The following CREB1 variants were observed in gnomAD, a reference collection of about 807,000 sequenced individuals.
The protein encoded by CREB1 is cAMP responsive element binding protein 1.
Under a neutral mutation model 42.0 loss-of-function variants are expected in CREB1, and 2 were observed. That is an observed-to-expected ratio of 0.05 (90% CI 0.02 to 0.15). The LOEUF is 0.15. Among genes scored for constraint, CREB1 ranks in the 10% least tolerant of loss-of-function variants. CREB1 has a pLI of 1.00. For synonymous variants in CREB1, 123 were observed against 139.9 expected, an observed-to-expected ratio of 0.88 and a Z score of 0.85; for missense variants, 199 against 388.9, an observed-to-expected ratio of 0.51 and a Z score of 4.11.
At chr2:207,587,758 T>A (rs1243610065) in intron 7 of CREB1, among the ~76,000 whole-genome samples, 1 of 152,010 alleles carries the variant, frequency 6.6e-6, no homozygotes, top group Non-Finnish European at 1.5e-5. Flanking sequence ...CTTATGGAAG[T>A]AGAGAGTAAA....
intron 5 of CREB1, chr2:207,571,905 C>T (rs7582473): frequency 4.6e-4 from 143 of 311,030 alleles, no homozygotes; most frequent in African/African-American, 3.0e-3. Flanking sequence ...TTGGTACACT[C>T]GTCTCCTCCA....
intron 3 of CREB1, among the ~76,000 whole-genome samples, chr2:207,560,808 G>T (rs528536210): frequency 6.6e-6 from 1 of 152,150 alleles, no homozygotes; most frequent in Non-Finnish European, 1.5e-5. Flanking sequence ...TAAAGCATTT[G>T]TAAAATCAGC....
chr2:207,571,810 A>T (rs2082376621), intron 5 of CREB1: 1 of 441,634 alleles, frequency 2.3e-6, no homozygotes, highest in Non-Finnish European at 4.6e-6. Flanking sequence ...ACTAGGAAGC[A>T]TGCTCTTTAG....
At chr2:207,548,923 T>TA (rs2081397606) in intron 1 of CREB1, among the ~76,000 whole-genome samples, 1 of 152,232 alleles carries the variant, frequency 6.6e-6, no homozygotes, top group South Asian at 2.1e-4. Context: ...ATTTAAATCT[T>TA]ATCAAATTCA....
chr2:207,550,707 A>G (rs1277029634), intron 1 of CREB1: 9 of 152,328 alleles, frequency 5.9e-5, no homozygotes, highest in East Asian at 5.8e-4. Flanking sequence ...TTAACTTGCT[A>G]TAGGTAGTCA....
At position 207,604,996 on chromosome 2, in the gene CREB1, TCTA is replaced by T. The variant is rs753459741; in HGVS notation, c.*7941_*7943del. 6.6e-6 allele frequency among the ~76,000 whole-genome samples: 1 copy of T among 152,234 alleles called. No individual in the cohort carries two copies. Among genetic ancestry groups the T allele is most frequent in the Non-Finnish European group, 1.5e-5 (1 of 68,040 alleles). On this transcript the variant is annotated 3_prime_UTR_variant, in exon 8 of 8. Transcript: ENST00000353267. ...TATCGATTCATCCAGTTGAGTTGTT[TCTA>T]CTGTTTGGCTAATGTTCATAGTGCT...
chr2:207,540,636 A>G (rs951000352), intron 1 of CREB1, among the ~76,000 whole-genome samples: 1 of 149,552 alleles, frequency 6.7e-6, no homozygotes, highest in Non-Finnish European at 1.5e-5. Context: ...CCCTGTGTCA[A>G]AAAAATAAAG....
At chr2:207,589,803 C>T (rs2084612059) in intron 7 of CREB1, among the ~76,000 whole-genome samples, 1 of 152,108 alleles carries the variant, frequency 6.6e-6, no homozygotes, top group Admixed American at 6.5e-5. Flanking sequence ...TGGGATGAAC[C>T]CCCAATTGGT....
At chr2:207,596,498 A>G (rs1005867350) in intron 7 of CREB1, among the ~76,000 whole-genome samples, 1 of 152,216 alleles carries the variant, frequency 6.6e-6, no homozygotes, top group Non-Finnish European at 1.5e-5. Context: ...CAGTGGCGCA[A>G]TCTCAGCTTA....
At chr2:207,541,554 C>T (rs934913760) in intron 1 of CREB1, among the ~76,000 whole-genome samples, 1 of 152,058 alleles carries the variant, frequency 6.6e-6, no homozygotes, top group African/African-American at 2.4e-5. Flanking sequence ...TAGGCTATAC[C>T]ATCTAGGTTT....
At chr2:207,571,021 C>A in intron 5 of CREB1, among the ~76,000 whole-genome samples, 1 of 16,692 alleles carries the variant, frequency 6.0e-5, no homozygotes, top group East Asian at 0.018. Context: ...TCTCTTTTTC[C>A]CTTTTTTTTT....
intron 1 of CREB1, among the ~76,000 whole-genome samples, chr2:207,553,306 C>T (rs1212319049): frequency 6.7e-5 from 10 of 150,338 alleles, no homozygotes; most frequent in Non-Finnish European, 1.3e-4. Flanking sequence ...TGACCTCAGG[C>T]GATCCACCCG....
At chr2:207,565,912 T>C (rs1212953463) in intron 3 of CREB1, among the ~76,000 whole-genome samples, 1 of 152,216 alleles carries the variant, frequency 6.6e-6, no homozygotes. Context: ...GACTCTTGTG[T>C]GTGGGCTAGT....
chr2:207,563,300 TC>T (rs1649424604), intron 3 of CREB1, among the ~76,000 whole-genome samples: 1 of 152,184 alleles, frequency 6.6e-6, no homozygotes, highest in African/African-American at 2.4e-5. Flanking sequence ...AAATGTCAAA[TC>T]TACGTATTTT....
At chr2:207,533,800 C>G (rs866966915) in intron 1 of CREB1, among the ~76,000 whole-genome samples, 3 of 152,080 alleles carry the variant, frequency 2.0e-5, no homozygotes, top group African/African-American at 4.8e-5. Context: ...TTGGCACTCA[C>G]TGTGACAGAG....
intron 7 of CREB1, chr2:207,581,802 G>A: frequency 1.4e-6 from 1 of 698,702 alleles, no homozygotes; most frequent in Non-Finnish European, 2.6e-6. Flanking sequence ...ACATAATCCA[G>A]TTTGGGTACC....
chr2:207,546,166 A>G (rs1360304697), intron 1 of CREB1, among the ~76,000 whole-genome samples: 2 of 152,234 alleles, frequency 1.3e-5, no homozygotes, highest in Admixed American at 1.3e-4. Flanking sequence ...GACATGAGAA[A>G]TAGCGTGAGA....
intron 7 of CREB1, among the ~76,000 whole-genome samples, chr2:207,586,710 CAA>C (rs1229042173): frequency 6.6e-6 from 1 of 151,984 alleles, no homozygotes; most frequent in Non-Finnish European, 1.5e-5. Context: ...AACAGGAAAA[CAA>C]ACAAAAATCC....
intron 5 of CREB1, among the ~76,000 whole-genome samples, 180 bp downstream of exon 5, chr2:207,570,501 T>C (rs536477824): frequency 6.6e-6 from 1 of 152,366 alleles, no homozygotes; most frequent in Non-Finnish European, 1.5e-5. Flanking sequence ...TATTTTCTTT[T>C]CTTCAGAGAG....
Sources: allele counts gnomAD v4.1 joint callset (sites outside exome capture counted in the v4.1 genomes callset), GRCh38; gene constraint gnomAD v4.1.1; transcripts MANE v1.5; gene names NCBI Gene and HGNC (gene_info 2026-07-23, HGNC 2026-07-21).